The following JAZF1 variants were observed in gnomAD, a reference collection of about 807,000 sequenced individuals.
The protein encoded by JAZF1 is juxtaposed with another zinc finger protein 1.
A neutral mutation model predicts 26.4 loss-of-function variants in JAZF1; 8 were observed. The ratio of observed to expected loss-of-function variants is 0.30; its 90% CI spans 0.18 to 0.55. The LOEUF (loss-of-function observed/expected upper bound fraction) is 0.55, where lower values mean the gene tolerates loss of function less well. JAZF1 is among the 20% of genes least tolerant of loss of function. The pLI is 0.94. For missense variants in JAZF1, 199 were observed against 322.0 expected (o/e 0.62, Z 2.92); for synonymous variants, 126 against 122.3 (o/e 1.03, Z -0.20).
At chr7:28,014,536 C>G (rs1464789185) in intron 1 of JAZF1, among the ~76,000 whole-genome samples, 1 of 152,178 alleles carries the variant, frequency 6.6e-6, no homozygotes, top group Admixed American at 6.5e-5. Context: ...GGGAGTTTCC[C>G]TGCACAAGCT....
At chr7:28,018,650 T>C (rs1782942837) in intron 1 of JAZF1, among the ~76,000 whole-genome samples, 1 of 152,192 alleles carries the variant, frequency 6.6e-6, no homozygotes, top group African/African-American at 2.4e-5. Flanking sequence ...AAACCTGATA[T>C]GCTCTGTACC....
intron 3 of JAZF1, among the ~76,000 whole-genome samples, chr7:27,854,784 CTCTG>C (rs1783213013): frequency 6.6e-6 from 1 of 152,200 alleles, no homozygotes; most frequent in African/African-American, 2.4e-5. Context: ...TGACCTTTCT[CTCTG>C]TCTGCCTTTA....
At chr7:27,890,473 A>C (rs1260429841) in intron 3 of JAZF1, among the ~76,000 whole-genome samples, 1 of 152,220 alleles carries the variant, frequency 6.6e-6, no homozygotes, top group African/African-American at 2.4e-5. Flanking sequence ...TGGAGGTGTC[A>C]AGTTCACACA....
chr7:27,865,800 C>A (rs1012313087), intron 3 of JAZF1, among the ~76,000 whole-genome samples: 2 of 152,126 alleles, frequency 1.3e-5, no homozygotes, highest in Non-Finnish European at 2.9e-5. Flanking sequence ...GCCACAGACA[C>A]GAAAGTGACA....
At chr7:27,948,957 G>A (rs1219646561) in intron 2 of JAZF1, among the ~76,000 whole-genome samples, 1 of 152,148 alleles carries the variant, frequency 6.6e-6, no homozygotes, top group Non-Finnish European at 1.5e-5. Context: ...GAACACCCAG[G>A]AAGTCCTGAT....
Position 27,966,550 on chromosome 7 carries a change from G to A in JAZF1, c.188+25359C>T, listed in dbSNP as rs114949097. On this transcript the variant is annotated intron_variant, in intron 2 of 4. Transcript: ENST00000283928. ...CCAGGAAGGGAAGGGCACTGATGGT[G>A]TATGTGGCCAAGCCTGTAAAGGAGA... is the stretch of plus-strand genomic sequence containing the variant. Among the ~76,000 whole-genome samples, 709 of 152,264 alleles carry A rather than the reference G, an allele frequency of 4.7e-3. 10 individuals are homozygous for A. Among genetic ancestry groups the A allele is most frequent in the African/African-American group, 0.016 (667 of 41,550 alleles).
intron 1 of JAZF1, among the ~76,000 whole-genome samples, chr7:28,103,764 T>C (rs535626046): frequency 3.9e-5 from 6 of 152,244 alleles, no homozygotes; most frequent in African/African-American, 1.4e-4. Context: ...CCAGGACCAC[T>C]GGTTATCTTG....
chr7:28,108,802 A>C (rs1784594652), intron 1 of JAZF1, among the ~76,000 whole-genome samples: 1 of 152,200 alleles, frequency 6.6e-6, no homozygotes, highest in African/African-American at 2.4e-5. Context: ...GAAACAACCT[A>C]AGTGTCCATC....
chr7:28,079,473 C>T (rs1164340727), intron 1 of JAZF1, among the ~76,000 whole-genome samples: 2 of 152,122 alleles, frequency 1.3e-5, no homozygotes, highest in Non-Finnish European at 2.9e-5. Flanking sequence ...TACTGGAAAA[C>T]TAAGCCACGA....
chr7:28,042,296 T>C (rs1783406629), intron 1 of JAZF1, among the ~76,000 whole-genome samples: 1 of 152,142 alleles, frequency 6.6e-6, no homozygotes, highest in Admixed American at 6.5e-5. Context: ...GCCAGCTCCA[T>C]TCAGAAAGAC....
intron 1 of JAZF1, among the ~76,000 whole-genome samples, chr7:28,041,923 C>G (rs1319538806): frequency 1.3e-5 from 2 of 152,164 alleles, no homozygotes; most frequent in Non-Finnish European, 2.9e-5. Context: ...GGAGATCAAG[C>G]CGAACTGGGC....
At chr7:27,841,098 A>T in intron 3 of JAZF1, 1 of 455,430 alleles carries the variant, frequency 2.2e-6, no homozygotes, top group Non-Finnish European at 3.9e-6. Flanking sequence ...CCAACAATTC[A>T]CAGCTAGGAG....
intron 1 of JAZF1, among the ~76,000 whole-genome samples, chr7:28,124,075 C>T (rs2127939068): frequency 6.6e-6 from 1 of 152,260 alleles, no homozygotes; most frequent in Non-Finnish European, 1.5e-5. Flanking sequence ...GTCTTAACCC[C>T]CAGTGCCTCG....
rs140580370 is a variant in JAZF1, at chr7:27,849,772, C to CACACACACACACACACACACACAT, written c.386-8906_386-8905insATGTGTGTGTGTGTGTGTGTGTGT. Among the ~76,000 whole-genome samples the CACACACACACACACACACACACAT allele has an allele frequency of 4.5e-3, 664 of 147,008 alleles. 4 individuals carry two copies. The highest frequency in any genetic ancestry group is 9.5e-3 in the African/African-American group (368 of 38,572). On this transcript the variant is annotated intron_variant, in intron 3 of 4. Coordinates refer to ENST00000283928, the MANE Select transcript of JAZF1 (RefSeq NM_175061.4). ...ACACAGACACACACACACACACACA[C>CACACACACACACACACACACACAT]ACCCCTACACCTCTTCCCGGCCGCC...
At chr7:27,913,398 G>C (rs148091356) in intron 2 of JAZF1, 18 of 460,740 alleles carry the variant, frequency 3.9e-5, no homozygotes, top group African/African-American at 2.2e-4. Context: ...ATACCTTTTG[G>C]ACAAGTAGGA....
intron 2 of JAZF1, among the ~76,000 whole-genome samples, chr7:27,961,844 A>C (rs1384040328): frequency 6.6e-6 from 1 of 152,142 alleles, no homozygotes; most frequent in South Asian, 2.1e-4. Flanking sequence ...GAATCTAGGG[A>C]TTCATGATGC....
At chr7:28,142,796 G>T (rs1020476912) in intron 1 of JAZF1, among the ~76,000 whole-genome samples, 4 of 152,206 alleles carry the variant, frequency 2.6e-5, no homozygotes, top group Non-Finnish European at 4.4e-5. Context: ...TGCAGGGTAT[G>T]GCCAGCAGAG....
chr7:28,008,995 A>T (rs948183365), intron 1 of JAZF1, among the ~76,000 whole-genome samples: 2 of 152,240 alleles, frequency 1.3e-5, no homozygotes, highest in African/African-American at 4.8e-5. Flanking sequence ...ATGGTTAAGT[A>T]AAACAGACAT....
chr7:28,045,715 T>G (rs1437507228), intron 1 of JAZF1, among the ~76,000 whole-genome samples: 1 of 152,104 alleles, frequency 6.6e-6, no homozygotes, highest in Non-Finnish European at 1.5e-5. Context: ...TAATAAAGAC[T>G]ACAGGCATGC....
Sources: allele counts gnomAD v4.1 joint callset (sites outside exome capture counted in the v4.1 genomes callset), GRCh38; gene constraint gnomAD v4.1.1; transcripts MANE v1.5; gene names NCBI Gene and HGNC (gene_info 2026-07-23, HGNC 2026-07-21).